Variants in SYK observed in about 807,000 individuals in gnomAD.
SYK encodes the protein spleen associated tyrosine kinase.
SYK carries 16 observed loss-of-function variants against 77.8 expected under a neutral mutation model. That is an observed-to-expected ratio of 0.21 (90% CI 0.14 to 0.31). The LOEUF is 0.31. Ranked by LOEUF, SYK falls within the 10% of genes least tolerant of loss-of-function variation. The pLI is 1.00. For synonymous variants in SYK, 312 were observed against 308.7 expected, an observed-to-expected ratio of 1.01 and a Z score of -0.11; for missense variants, 529 against 814.4, an observed-to-expected ratio of 0.65 and a Z score of 4.26.
In SYK at chr9:90,845,425, A is replaced by C. The variant is rs1826550702; in HGVS notation, c.418-9A>C. 1 of 1,612,462 alleles carries C rather than the reference A, an allele frequency of 6.2e-7. No individual in the cohort carries two copies. Among genetic ancestry groups the C allele is most frequent in the African/African-American group, 1.3e-5 (1 of 74,842 alleles). ...TATGGTTTACTCTGCTTTGCTCTCC[A>C]TGTGGCAGGGTCAGGCTCTGGAGCA... On this transcript the variant is annotated splice_polypyrimidine_tract_variant and intron_variant, in intron 2 of 13. Transcript: ENST00000375754.
chr9:90,879,041 G>T, intron 11 of SYK, 88 bp downstream of exon 11: 8 of 1,017,334 alleles, frequency 7.9e-6, no homozygotes, highest in Non-Finnish European at 1.1e-5. Flanking sequence ...TATTGGTATG[G>T]TTTCAAAAAG....
intron 1 of SYK, among the ~76,000 whole-genome samples, chr9:90,807,835 C>A (rs1564065203): frequency 6.6e-6 from 1 of 152,214 alleles, no homozygotes; most frequent in Non-Finnish European, 1.5e-5. Context: ...TGCCCCCAGT[C>A]CCACTGTTGG....
chr9:90,862,988 G>A (rs1449964253), intron 4 of SYK, among the ~76,000 whole-genome samples: 1 of 152,056 alleles, frequency 6.6e-6, no homozygotes, highest in African/African-American at 2.4e-5. Context: ...CCACAGCCCT[G>A]GTCTAAAAAG....
chr9:90,805,189 G>A (rs1824772164), intron 1 of SYK, among the ~76,000 whole-genome samples: 1 of 152,212 alleles, frequency 6.6e-6, no homozygotes, highest in Admixed American at 6.5e-5. Context: ...GATGGTGGTG[G>A]AGCAAGCGAG....
intron 11 of SYK, among the ~76,000 whole-genome samples, chr9:90,879,375 A>T (rs1237590189): frequency 1.3e-5 from 2 of 152,236 alleles, no homozygotes; most frequent in Non-Finnish European, 2.9e-5. Context: ...CTCAAACCAG[A>T]TTCATCCATG....
chr9:90,876,717 A>G (rs1827951110), intron 9 of SYK, among the ~76,000 whole-genome samples: 1 of 152,230 alleles, frequency 6.6e-6, no homozygotes, highest in Non-Finnish European at 1.5e-5. Flanking sequence ...TGATGTCTTT[A>G]CAATACTGAG....
chr9:90,854,090 GC>G (rs1284162493), intron 3 of SYK, among the ~76,000 whole-genome samples: 2 of 152,096 alleles, frequency 1.3e-5, no homozygotes, highest in Non-Finnish European at 2.9e-5. Context: ...GTCACGTGGT[GC>G]CCTGAGACCA....
At chr9:90,891,490 C>T (rs763380302) in intron 13 of SYK, among the ~76,000 whole-genome samples, 1 of 152,188 alleles carries the variant, frequency 6.6e-6, no homozygotes, top group African/African-American at 2.4e-5. Flanking sequence ...TCCAGGGATC[C>T]CTTTTCTATT....
chr9:90,820,018 G>T (rs1825449454), intron 1 of SYK, among the ~76,000 whole-genome samples: 1 of 152,212 alleles, frequency 6.6e-6, no homozygotes. Context: ...CTGAAATCCA[G>T]CAGTGCAGTC....
At position 90,874,238 on chromosome 9, in the gene SYK, C is replaced by G. The variant is rs767074131; in HGVS notation, c.950C>G (p.Thr317Ser). Residue 317 changes from threonine (T) to serine (S), a missense_variant, in exon 8 of 14, where the codon ACT becomes AGT. Transcript: ENST00000375754. ...GCCCAAGGGAACCGGCAAGAGAGTA[C>G]TGTGTCATTCAATCCGTATGAGCCA... Reference protein sequence around the residue: ...SPAQGNRQESTVSFNPYEPEL... With the variant: ...SPAQGNRQESSVSFNPYEPEL... 1.2e-6 allele frequency: 2 copies of G among 1,614,226 alleles called. No individual in the cohort carries two copies. Among genetic ancestry groups the G allele is most frequent in the Admixed American group, 1.7e-5 (1 of 60,026 alleles).
At chr9:90,819,775 A>G (rs12550871) in intron 1 of SYK, among the ~76,000 whole-genome samples, 2,095 of 152,192 alleles carry the variant, frequency 0.014, 25 homozygotes, top group Middle Eastern at 0.082. Flanking sequence ...TTCAAAACCA[A>G]TCATGCCTTC....
Position 90,874,683 on chromosome 9 carries a change from G to A in SYK, c.1015G>A (p.Glu339Lys). The A allele has an allele frequency of 6.2e-7, 1 of 1,613,152 alleles. No homozygotes were observed. Among genetic ancestry groups the A allele is most frequent in the Non-Finnish European group, 8.5e-7 (1 of 1,179,470 alleles). Residue 339 changes from glutamate to lysine, a missense_variant, in exon 9 of 14, where the codon GAA becomes AAA. Around this residue, in one of 2 missense-constraint regions of SYK, gnomAD observed 321 missense variants for 433.1 expected, o/e 0.74. Coordinates refer to ENST00000375754, the MANE Select transcript of SYK (RefSeq NM_003177.7). ...TGACTGCATTGCAGGCCCCCAGAGA[G>A]AAGCCCTACCCATGGACACAGAGGT... ...PWAADKGPQR[E>K]ALPMDTEVYE...
rs1827265140 is a variant in SYK, at chr9:90,861,558, TG to T, written c.579-646del. ...GCCTCCCTTTCCTGCAGTGGGAGAGTGGAAGTCCAGCCCTGCCTCCCTTTCC... is the reference window on the plus strand; with the variant it reads ...GCCTCCCTTTCCTGCAGTGGGAGAGTGAAGTCCAGCCCTGCCTCCCTTTCC... On this transcript the variant is annotated intron_variant, in intron 3 of 13. Coordinates refer to ENST00000375754, the MANE Select transcript of SYK (RefSeq NM_003177.7). 2.6e-5 allele frequency among the ~76,000 whole-genome samples: 3 copies of T among 114,616 alleles called. No individual in the cohort carries two copies. In the South Asian group the frequency reaches 8.8e-4, roughly 34 times the overall value. 75.2% of individuals were successfully genotyped at this position (114,616 alleles called of 152,430 possible). A position where few individuals can be genotyped will look rare whatever the true frequency, so the allele number is the denominator to read the frequency against.
At chr9:90,868,003 C>T (rs1382582366) in intron 7 of SYK, among the ~76,000 whole-genome samples, 1 of 151,252 alleles carries the variant, frequency 6.6e-6, no homozygotes, top group Admixed American at 6.6e-5. Flanking sequence ...GTGTTTTTAC[C>T]GACATTTTAG....
chr9:90,820,477 G>T lies in SYK; in HGVS notation c.-42+18584G>T, dbSNP rs541948240. Among the ~76,000 whole-genome samples the T allele has an allele frequency of 1.4e-4, 22 of 152,322 alleles. No homozygotes were observed. In the South Asian group the frequency reaches 3.7e-3, roughly 26 times the overall value. ...ATTCTTGACTTCTGTGCACTCGCAG[G>T]CTCAACACCACGTGGAAGCTGCCAA... On this transcript the variant is annotated intron_variant, in intron 1 of 13. Coordinates refer to ENST00000375754, the MANE Select transcript of SYK (RefSeq NM_003177.7).
intron 1 of SYK, chr9:90,827,696 TC>T (rs956644873): frequency 2.0e-5 from 3 of 152,212 alleles, no homozygotes; most frequent in Admixed American, 1.3e-4. Context: ...GCGTTTCCTC[TC>T]CTCTGCCGCT....
chr9:90,811,955 A>AG (rs1564067519), intron 1 of SYK, among the ~76,000 whole-genome samples: 5 of 146,718 alleles, frequency 3.4e-5, no homozygotes, highest in Non-Finnish European at 4.5e-5. Context: ...AAAAAAAAAA[A>AG]CCTAAAAATC....
At chr9:90,841,043 T>G (rs1237491239) in intron 1 of SYK, among the ~76,000 whole-genome samples, 1 of 151,710 alleles carries the variant, frequency 6.6e-6, no homozygotes, top group Non-Finnish European at 1.5e-5. Flanking sequence ...GTGTGTAGTG[T>G]GTATGTAGTG....
At chr9:90,862,458 TC>T in intron 4 of SYK, 114 bp downstream of exon 4, 1 of 1,304,844 alleles carries the variant, frequency 7.7e-7, no homozygotes, top group Non-Finnish European at 1.0e-6. Flanking sequence ...CACAGTGTGG[TC>T]CCCAGGCCAG....
Sources: allele counts gnomAD v4.1 joint callset (sites outside exome capture counted in the v4.1 genomes callset), GRCh38; gene constraint gnomAD v4.1.1; regional missense constraint gnomAD v4.1.1; transcripts MANE v1.5; gene names NCBI Gene and HGNC (gene_info 2026-07-23, HGNC 2026-07-21).